Variants in PPP1R1C observed in about 807,000 individuals in gnomAD.
The protein encoded by PPP1R1C is protein phosphatase 1 regulatory inhibitor subunit 1C, also known as protein phosphatase 1 regulatory subunit 1C.
Under a neutral mutation model 17.4 loss-of-function variants are expected in PPP1R1C, and 15 were observed. The ratio of observed to expected loss-of-function variants is 0.86; its 90% CI spans 0.58 to 1.33. The LOEUF (loss-of-function observed/expected upper bound fraction) is 1.33, where lower values mean the gene tolerates loss of function less well. PPP1R1C is among the 40% of genes most tolerant of loss of function. PPP1R1C has a pLI of 0.00. For missense variants in PPP1R1C, 143 were observed against 130.0 expected, an observed-to-expected ratio of 1.10 and a Z score of -0.48; for synonymous variants, 35 against 43.1, an observed-to-expected ratio of 0.81 and a Z score of 0.73.
intron 4 of PPP1R1C, among the ~76,000 whole-genome samples, chr2:182,108,353 C>T (rs1057015916): frequency 1.3e-5 from 2 of 152,088 alleles, no homozygotes; most frequent in African/African-American, 4.8e-5. Context: ...TTTCAGACTC[C>T]TGGACAGTCT....
At chr2:182,090,978 A>C (rs1447430098) in intron 4 of PPP1R1C, among the ~76,000 whole-genome samples, 1 of 152,198 alleles carries the variant, frequency 6.6e-6, no homozygotes, top group East Asian at 1.9e-4. Context: ...TTTCCCAGAA[A>C]CAAGTAATCA....
intron 4 of PPP1R1C, among the ~76,000 whole-genome samples, chr2:182,082,920 C>T (rs1273301249): frequency 1.3e-5 from 2 of 152,122 alleles, no homozygotes; most frequent in Non-Finnish European, 2.9e-5. Flanking sequence ...CGGGAGACCA[C>T]GGTACCCGGT....
upstream of PPP1R1C, among the ~76,000 whole-genome samples, chr2:181,981,295 C>G (rs186393346): frequency 3.9e-4 from 59 of 152,246 alleles, no homozygotes; most frequent in African/African-American, 1.3e-3. Flanking sequence ...TTGATGTTTG[C>G]CTTTAAGCCT....
At chr2:182,104,571 T>C (rs1307563840) in intron 4 of PPP1R1C, among the ~76,000 whole-genome samples, 1 of 152,248 alleles carries the variant, frequency 6.6e-6, no homozygotes, top group Non-Finnish European at 1.5e-5. Context: ...TGTGATCCTT[T>C]TAATGTGCTA....
intron 4 of PPP1R1C, among the ~76,000 whole-genome samples, chr2:182,082,910 C>A (rs1006127103): frequency 1.3e-5 from 2 of 151,990 alleles, no homozygotes; most frequent in Non-Finnish European, 2.9e-5. Context: ...TAATACCCAG[C>A]GGGAGACCAC....
intron 4 of PPP1R1C, among the ~76,000 whole-genome samples, chr2:182,067,853 A>G (rs569453927): frequency 6.6e-6 from 1 of 152,242 alleles, no homozygotes; most frequent in East Asian, 1.9e-4. Flanking sequence ...AACAGAGTTT[A>G]TTAGTTTCGG....
chr2:182,100,305 A>G (rs769315617), intron 4 of PPP1R1C, among the ~76,000 whole-genome samples: 64 of 151,960 alleles, frequency 4.2e-4, no homozygotes, highest in Non-Finnish European at 7.9e-4. Flanking sequence ...AGGTCAAGAG[A>G]TTGAGACCAT....
Position 182,051,054 on chromosome 2 carries a change from C to T in PPP1R1C, c.143-10388C>T, listed in dbSNP as rs112110780. Among the ~76,000 whole-genome samples, 9 of 152,310 alleles carry T rather than the reference C, an allele frequency of 5.9e-5. 3 individuals are homozygous for T. The highest frequency in any genetic ancestry group is 2.2e-4 in the African/African-American group (9 of 41,568). ...TACACAGGCTGGATGTGAAAATAACCTATCCTCACCTGAATACTTTGAATT... is the reference window on the plus strand; with the variant it reads ...TACACAGGCTGGATGTGAAAATAACTTATCCTCACCTGAATACTTTGAATT... On this transcript the variant is annotated intron_variant, in intron 2 of 4. Transcript: ENST00000682840.
At chr2:182,032,996 G>A (rs540533148) in intron 2 of PPP1R1C, among the ~76,000 whole-genome samples, 3 of 152,260 alleles carry the variant, frequency 2.0e-5, no homozygotes, top group African/African-American at 4.8e-5. Context: ...GCCTGTTGCA[G>A]TCTGACTTTA....
At chr2:182,011,033 G>A (rs898749789) in intron 2 of PPP1R1C, among the ~76,000 whole-genome samples, 14 of 152,034 alleles carry the variant, frequency 9.2e-5, no homozygotes, top group Non-Finnish European at 2.9e-5. Flanking sequence ...CTAGTATTTT[G>A]TTGAGAATTT....
At chr2:181,993,966 G>T (rs1225541108) in intron 2 of PPP1R1C, among the ~76,000 whole-genome samples, 1 of 151,914 alleles carries the variant, frequency 6.6e-6, no homozygotes, top group Non-Finnish European at 1.5e-5. Flanking sequence ...TAATCCAGAT[G>T]ATGTTAGTCA....
intron 4 of PPP1R1C, among the ~76,000 whole-genome samples, chr2:182,072,092 T>C (rs1574427874): frequency 1.3e-5 from 2 of 152,238 alleles, no homozygotes; most frequent in Admixed American, 6.5e-5. Flanking sequence ...CAAAAATGTG[T>C]GTACACCACG....
chr2:182,040,306 C>T (rs1687143054), intron 2 of PPP1R1C, among the ~76,000 whole-genome samples: 1 of 152,188 alleles, frequency 6.6e-6, no homozygotes, highest in African/African-American at 2.4e-5. Flanking sequence ...CACATCCATA[C>T]CAACATTTAT....
intron 4 of PPP1R1C, among the ~76,000 whole-genome samples, chr2:182,088,297 G>T (rs1168693063): frequency 6.6e-6 from 1 of 152,016 alleles, no homozygotes; most frequent in Non-Finnish European, 1.5e-5. Flanking sequence ...CCTACTCAGG[G>T]CCTTTACTAT....
Position 182,063,780 on chromosome 2 carries a change from C to T in PPP1R1C, c.230C>T (p.Pro77Leu), listed in dbSNP as rs1195221399. ...AGGAAGCAGAGTGTGTACACACCAC[C>T]CACCATAAAAGGTACTGTTCAGGTA... is the stretch of plus-strand genomic sequence containing the variant. Reference protein sequence around the residue: ...KQRKQSVYTPPTIKGVKHLKG... With the variant: ...KQRKQSVYTPLTIKGVKHLKG... Residue 77 changes from proline to leucine, a missense_variant, in exon 4 of 5, where the codon CCC becomes CTC. Pro to Leu is a moderately conservative substitution (Grantham distance 98, BLOSUM62 -3). Transcript: ENST00000682840. The T allele has an allele frequency of 2.5e-6, 4 of 1,612,484 alleles. No individual in the cohort carries two copies. Among genetic ancestry groups the T allele is most frequent in the Non-Finnish European group, 8.5e-7 (1 of 1,178,792 alleles).
intron 1 of PPP1R1C, among the ~76,000 whole-genome samples, chr2:181,959,619 T>C (rs1684730496): frequency 6.6e-6 from 1 of 152,172 alleles, no homozygotes; most frequent in Non-Finnish European, 1.5e-5. Flanking sequence ...TGTATGTATA[T>C]AGTAGGAAAT....
At chr2:182,083,977 T>C (rs1311110200) in intron 4 of PPP1R1C, among the ~76,000 whole-genome samples, 6 of 152,198 alleles carry the variant, frequency 3.9e-5, no homozygotes, top group Non-Finnish European at 8.8e-5. Context: ...TGAGGTCGTA[T>C]TTCATTGTGG....
At chr2:182,060,797 T>G (rs1402158818) in intron 2 of PPP1R1C, among the ~76,000 whole-genome samples, 2 of 152,074 alleles carry the variant, frequency 1.3e-5, no homozygotes, top group East Asian at 1.9e-4. Flanking sequence ...ACAATGTAGG[T>G]GACGAGGTAA....
intron 2 of PPP1R1C, among the ~76,000 whole-genome samples, chr2:182,044,078 T>C (rs1041141711): frequency 6.6e-6 from 1 of 152,198 alleles, no homozygotes; most frequent in Non-Finnish European, 1.5e-5. Flanking sequence ...CCATTCTTTC[T>C]CTTAAGCATC....
Sources: gnomAD v4.1 joint callset for allele counts (sites outside exome capture counted in the v4.1 genomes callset) on GRCh38, gnomAD v4.1.1 for gene constraint, MANE v1.5 for transcripts, NCBI Gene and HGNC (gene_info 2026-07-23, HGNC 2026-07-21) for gene names.